The following SLC2A13 variants were observed in gnomAD, a reference collection of about 807,000 sequenced individuals.
The protein encoded by SLC2A13 is solute carrier family 2 member 13, also known as proton myo-inositol cotransporter.
SLC2A13 carries 32 observed loss-of-function variants against 64.4 expected under a neutral mutation model. The ratio of observed to expected loss-of-function variants is 0.50; its 90% confidence interval spans 0.37 to 0.67. SLC2A13 has a LOEUF of 0.67. SLC2A13 is among the 30% of genes least tolerant of loss of function. SLC2A13 has a pLI of 0.00. For missense variants in SLC2A13, 743 were observed against 829.2 expected, an observed-to-expected ratio of 0.90 and a Z score of 1.28; for synonymous variants, 338 against 327.1, an observed-to-expected ratio of 1.03 and a Z score of -0.36.
chr12:40,063,408 A>AG (rs1267257226), intron 1 of SLC2A13, among the ~76,000 whole-genome samples: 2 of 151,816 alleles, frequency 1.3e-5, no homozygotes, highest in Non-Finnish European at 2.9e-5. Flanking sequence ...CAGGGGAACA[A>AG]GGAGATATTC....
intron 3 of SLC2A13, among the ~76,000 whole-genome samples, chr12:40,025,775 A>T (rs979127276): frequency 2.6e-5 from 4 of 152,242 alleles, no homozygotes; most frequent in Admixed American, 1.3e-4. Flanking sequence ...TTAACAGGCC[A>T]TTCCCTAACC....
At chr12:40,095,498 T>C (rs889557559) in intron 1 of SLC2A13, among the ~76,000 whole-genome samples, 1 of 152,266 alleles carries the variant, frequency 6.6e-6, no homozygotes, top group Non-Finnish European at 1.5e-5. Context: ...TTGCAGGATA[T>C]GTGTATCTAA....
chr12:39,821,620 A>G (rs1942512580), intron 7 of SLC2A13, among the ~76,000 whole-genome samples: 1 of 152,156 alleles, frequency 6.6e-6, no homozygotes, highest in African/African-American at 2.4e-5. Flanking sequence ...CCTGTGACCA[A>G]ATCTAATGGA....
rs1945939423 is a variant in SLC2A13 at position 39,937,650 on chromosome 12, T to C, written c.1034+13607A>G. 2.0e-5 allele frequency among the ~76,000 whole-genome samples: 3 copies of C among 152,212 alleles called. No individual in the cohort carries two copies. In the South Asian group the frequency reaches 6.2e-4, roughly 31 times the overall value. On this transcript the variant is annotated intron_variant, in intron 4 of 9. Transcript: ENST00000280871. ...TGTCCTGAGGCACCTGAAACCTTAGTTGCTGATACTTTACAAACCATGGAG... is the reference window on the plus strand; with the variant it reads ...TGTCCTGAGGCACCTGAAACCTTAGCTGCTGATACTTTACAAACCATGGAG...
chr12:39,853,169 G>C (rs550662940), intron 6 of SLC2A13, among the ~76,000 whole-genome samples: 1 of 152,012 alleles, frequency 6.6e-6, no homozygotes, highest in Non-Finnish European at 1.5e-5. Flanking sequence ...GCCTAGTTAC[G>C]CTCACAAAGA....
intron 1 of SLC2A13, among the ~76,000 whole-genome samples, chr12:40,092,085 G>C (rs17461103): frequency 2.0e-5 from 3 of 152,148 alleles, no homozygotes; most frequent in Non-Finnish European, 4.4e-5. Flanking sequence ...ACTATGGGCA[G>C]TAATAGAGGT....
intron 1 of SLC2A13, among the ~76,000 whole-genome samples, chr12:40,097,838 G>C (rs1939004355): frequency 6.6e-6 from 1 of 151,936 alleles, no homozygotes; most frequent in Non-Finnish European, 1.5e-5. Flanking sequence ...ATTAGAAATA[G>C]AACTACTACA....
chr12:39,781,722 T>C lies in SLC2A13; in HGVS notation c.1446-16864A>G, dbSNP rs992459526. Among the ~76,000 whole-genome samples the C allele has an allele frequency of 6.6e-5, 10 of 152,278 alleles. No homozygotes were observed. In the South Asian group the frequency reaches 1.0e-3, roughly 16 times the overall value. ...TTATTTTCCAACACACACAAACACATAGACAAGCATACAACATAAAAGAGA... is the reference window on the plus strand; with the variant it reads ...TTATTTTCCAACACACACAAACACACAGACAAGCATACAACATAAAAGAGA... On this transcript the variant is annotated intron_variant, in intron 7 of 9. Transcript: ENST00000280871.
chr12:40,005,882 G>A (rs1160151439), intron 3 of SLC2A13, among the ~76,000 whole-genome samples: 1 of 152,202 alleles, frequency 6.6e-6, no homozygotes, highest in African/African-American at 2.4e-5. Flanking sequence ...AACCTTGGCT[G>A]CATATGTGTA....
chr12:39,760,171 T>G lies in SLC2A13; in HGVS notation c.1802A>C (p.Lys601Thr). ...AAAGAGTGATTCAATTTCCTCTAAT[T>G]TTTTGCCTTTGGTCTCAGGAAGACA... The part of the protein sequence containing the change: ...YGCLPETKGK[K>T]LEEIESLFDN... The change falls in exon 10 of 10, where the codon AAA becomes ACA. Residue 601 changes from lysine to threonine, a missense_variant. Lys to Thr is a moderately conservative substitution (Grantham distance 78). Transcript: ENST00000280871. The G allele has an allele frequency of 6.2e-7, 1 of 1,612,938 alleles. No individual in the cohort carries two copies. The highest frequency in any genetic ancestry group is 8.5e-7 in the Non-Finnish European group (1 of 1,179,358).
At chr12:39,834,791 A>G (rs1942962445) in intron 6 of SLC2A13, among the ~76,000 whole-genome samples, 1 of 152,068 alleles carries the variant, frequency 6.6e-6, no homozygotes, top group Non-Finnish European at 1.5e-5. Flanking sequence ...CATCATATAG[A>G]CTATTTTATG....
At chr12:39,771,036 C>A (rs1266422741) in intron 7 of SLC2A13, among the ~76,000 whole-genome samples, 1 of 152,150 alleles carries the variant, frequency 6.6e-6, no homozygotes, top group Non-Finnish European at 1.5e-5. Flanking sequence ...AGAGAACGTA[C>A]ACAAAGAATT....
At position 39,852,752 on chromosome 12, in the gene SLC2A13, A is replaced by G. The variant is rs117012188; in HGVS notation, c.1319+12010T>C. On this transcript the variant is annotated intron_variant, in intron 6 of 9. Transcript: ENST00000280871. ...TTCTGCATTGCAGATGAAAAATGGA[A>G]AGTACCTCTGATTGGTCCTCTCCTG... Among the ~76,000 whole-genome samples the G allele has an allele frequency of 5.0e-4, 76 of 152,280 alleles. No individual in the cohort carries two copies. The East Asian group carries it at 9.5e-3, about 19-fold the overall frequency.
intron 3 of SLC2A13, among the ~76,000 whole-genome samples, chr12:39,962,334 G>A (rs1171226478): frequency 6.6e-6 from 1 of 151,950 alleles, no homozygotes; most frequent in Non-Finnish European, 1.5e-5. Context: ...CAGGTGATAC[G>A]CCCACCTTGG....
intron 3 of SLC2A13, among the ~76,000 whole-genome samples, chr12:40,024,602 C>T (rs1947774251): frequency 1.3e-5 from 2 of 152,080 alleles, no homozygotes; most frequent in African/African-American, 2.4e-5. Flanking sequence ...AAGCAATTAC[C>T]ATAATTTGTA....
chr12:40,061,097 C>T (rs1172177340), intron 1 of SLC2A13, among the ~76,000 whole-genome samples: 2 of 152,016 alleles, frequency 1.3e-5, no homozygotes, highest in African/African-American at 2.4e-5. Context: ...GCAAATACAA[C>T]TTCCAAACTA....
At chr12:39,830,478 A>G in intron 6 of SLC2A13, 1 of 1,203,072 alleles carries the variant, frequency 8.3e-7, no homozygotes. Context: ...TGGATCTGAG[A>G]GACTGAATGT....
At chr12:39,760,383 T>A (rs534799123) in intron 9 of SLC2A13, 131 bp from the exon 10 acceptor site, 22 of 695,940 alleles carry the variant, frequency 3.2e-5, no homozygotes, top group Non-Finnish European at 4.9e-5. Context: ...GACCAAAAAA[T>A]TACTATGAAC....
intron 6 of SLC2A13, among the ~76,000 whole-genome samples, chr12:39,837,181 T>C (rs11173822): frequency 0.69 from 93,231 of 135,532 alleles, 32,862 homozygotes; most frequent in African/African-American, 0.85. Context: ...TCAGAAATAA[T>C]GCCACATACC....
Sources: gnomAD v4.1 joint callset for allele counts (sites outside exome capture counted in the v4.1 genomes callset) on GRCh38, gnomAD v4.1.1 for gene constraint, MANE v1.5 for transcripts, NCBI Gene and HGNC (gene_info 2026-07-23, HGNC 2026-07-21) for gene names.